RFTN1: variants seen among roughly 807,000 people sequenced by gnomAD.
RFTN1 encodes raftlin.
A neutral mutation model predicts 46.5 loss-of-function variants in RFTN1; 26 were observed. That is an observed-to-expected ratio of 0.56 (90% CI 0.41 to 0.78). The LOEUF is 0.78. RFTN1 is among the 30% of genes least tolerant of loss of function. The pLI, the probability that RFTN1 is intolerant of heterozygous loss-of-function variation, is 0.00. For missense variants in RFTN1, 693 were observed against 718.7 expected (o/e 0.96, Z 0.41); for synonymous variants, 261 against 284.2 (o/e 0.92, Z 0.82).
intron 4 of RFTN1, among the ~76,000 whole-genome samples, chr3:16,390,763 G>A (rs1158838524): frequency 6.6e-6 from 1 of 152,094 alleles, no homozygotes; most frequent in African/African-American, 2.4e-5. Flanking sequence ...TTGCCCTCTG[G>A]GGAGTGTCTT....
rs183353836 is a variant in RFTN1 at position 16,505,103 on chromosome 3, T to C, written c.-9+8339A>G. On this transcript the variant is annotated intron_variant, in intron 1 of 9. Coordinates refer to ENST00000334133, the MANE Select transcript of RFTN1 (RefSeq NM_015150.2). ...CGCTTTCCTGGAATCTGCCTCCCCC[T>C]CATCCATCTAATTCCTATCTCCAGC... Among the ~76,000 whole-genome samples, 471 of 152,260 alleles carry C rather than the reference T, an allele frequency of 3.1e-3. 3 individuals carry two copies. Among genetic ancestry groups the C allele is most frequent in the African/African-American group, 0.011 (439 of 41,548 alleles).
chr3:16,408,329 C>T (rs772700685), intron 4 of RFTN1, among the ~76,000 whole-genome samples: 15 of 152,166 alleles, frequency 9.9e-5, no homozygotes, highest in African/African-American at 3.1e-4. Flanking sequence ...CTCACTAGTT[C>T]GGCTGTTTTA....
At chr3:16,378,865 C>G (rs1306657968) in intron 4 of RFTN1, among the ~76,000 whole-genome samples, 1 of 152,144 alleles carries the variant, frequency 6.6e-6, no homozygotes, top group Non-Finnish European at 1.5e-5. Context: ...GGATGAACAC[C>G]CACCTGCAGT....
chr3:16,369,582 G>A lies in RFTN1; in HGVS notation c.1030+494C>T, dbSNP rs376687626. On this transcript the variant is annotated intron_variant, in intron 6 of 9. Coordinates refer to ENST00000334133, the MANE Select transcript of RFTN1 (RefSeq NM_015150.2). ...TAGAGACAGCACATTACTGGGGAGG[G>A]GGTACTGGGTGCTGGGAGACCTGGG... Among the ~76,000 whole-genome samples, 117 of 152,324 alleles carry A rather than the reference G, an allele frequency of 7.7e-4. No individual in the cohort carries two copies. The South Asian group carries it at 0.023, about 31-fold the overall frequency.
At chr3:16,328,506 C>T in intron 7 of RFTN1, among the ~76,000 whole-genome samples, 1 of 152,238 alleles carries the variant, frequency 6.6e-6, no homozygotes, top group East Asian at 1.9e-4. Flanking sequence ...ACACCAGTTC[C>T]AGAGTGGCTA....
rs1272551461 is a variant in RFTN1 at position 16,391,858 on chromosome 3, G to GTT, written c.442-13758_442-13757dup. ...TAGAGATTATCATTCTAGTGCAAAG[G>GTT]TTTTTTTTTTGTTTTTTTTTTTTGT... On this transcript the variant is annotated intron_variant, in intron 4 of 9. Coordinates refer to ENST00000334133, the MANE Select transcript of RFTN1 (RefSeq NM_015150.2). Among the ~76,000 whole-genome samples, 309 of 49,128 alleles carry GTT rather than the reference G, an allele frequency of 6.3e-3. 41 individuals are homozygous for GTT. The highest frequency in any genetic ancestry group is 0.033 in the East Asian group (21 of 638). The allele number at this position is 49,128 out of a possible 152,430, so 32.2% of individuals were successfully genotyped here.
At position 16,424,470 on chromosome 3, in the gene RFTN1, G is replaced by T. The variant is rs998098976; in HGVS notation, c.332+9381C>A. Among the ~76,000 whole-genome samples, 2 of 152,162 alleles carry T rather than the reference G, an allele frequency of 1.3e-5. No individual in the cohort carries two copies. Among genetic ancestry groups the T allele is most frequent in the Non-Finnish European group, 2.9e-5 (2 of 68,032 alleles). On this transcript the variant is annotated intron_variant, in intron 3 of 9. Transcript: ENST00000334133. This position sits in a 1 kb window ranked among gnomAD's most constrained non-coding sequence, Gnocchi z 4.7. ...AACAACCATCATGAGGACATAATGA[G>T]AATTAATTATAATACCGAAAACATA...
rs533752006 is a variant in RFTN1 at position 16,425,574 on chromosome 3, G to A, written c.332+8277C>T. Among the ~76,000 whole-genome samples the A allele has an allele frequency of 6.6e-6, 1 of 152,150 alleles. No homozygotes were observed. The highest frequency in any genetic ancestry group is 1.5e-5 in the Non-Finnish European group (1 of 68,038). Reference sequence around the variant, plus strand: ...ATGAGCTCTCACACCAACCATGCACGTCTCCTTCTTGTTCTCTCCACCGGG... The same window carrying A: ...ATGAGCTCTCACACCAACCATGCACATCTCCTTCTTGTTCTCTCCACCGGG... On this transcript the variant is annotated intron_variant, in intron 3 of 9. Transcript: ENST00000334133. This position sits in a 1 kb window ranked among gnomAD's most constrained non-coding sequence, Gnocchi z 4.3.
At chr3:16,366,440 G>GT (rs2073177034) in intron 6 of RFTN1, among the ~76,000 whole-genome samples, 3 of 149,370 alleles carry the variant, frequency 2.0e-5, no homozygotes, top group Admixed American at 2.0e-4. Context: ...TCTATATGTG[G>GT]CCCCTGGACT....
In RFTN1 at chr3:16,481,138, G is replaced by A. The variant is rs185556106; in HGVS notation, c.145+12587C>T. Among the ~76,000 whole-genome samples, 1 of 152,228 alleles carries A rather than the reference G, an allele frequency of 6.6e-6. No homozygotes were observed. Among genetic ancestry groups the A allele is most frequent in the Admixed American group, 6.5e-5 (1 of 15,300 alleles). Reference sequence around the variant, plus strand: ...TTTACATTCAGAAAGGAATGCAAAGGAATGTAAAGAATGCCTTCCTTCCTT... The same window carrying A: ...TTTACATTCAGAAAGGAATGCAAAGAAATGTAAAGAATGCCTTCCTTCCTT... On this transcript the variant is annotated intron_variant, in intron 2 of 9. Transcript: ENST00000334133. The surrounding 1 kb of genome is among the most constrained non-coding windows in gnomAD (Gnocchi z 5.1).
In RFTN1 at chr3:16,442,221, T is replaced by A. The variant is rs1247088866; in HGVS notation, c.146-8184A>T. On this transcript the variant is annotated intron_variant, in intron 2 of 9. Coordinates refer to ENST00000334133, the MANE Select transcript of RFTN1 (RefSeq NM_015150.2). The surrounding 1 kb of genome is among the most constrained non-coding windows in gnomAD (Gnocchi z 4.1). ...CTATTTTTAAAATTTGAAGTGAAAT[T>A]TCCATAACATAAAATTAATCATTTT... 6.6e-6 allele frequency among the ~76,000 whole-genome samples: 1 copy of A among 152,128 alleles called. No individual in the cohort carries two copies. Among genetic ancestry groups the A allele is most frequent in the Non-Finnish European group, 1.5e-5 (1 of 68,014 alleles).
chr3:16,408,546 A>G (rs1014964615), intron 4 of RFTN1, among the ~76,000 whole-genome samples: 1 of 150,794 alleles, frequency 6.6e-6, no homozygotes, highest in Non-Finnish European at 1.5e-5. Flanking sequence ...GGGCTAGGAC[A>G]TTCCTTCTGT....
intron 3 of RFTN1, among the ~76,000 whole-genome samples, chr3:16,415,408 A>AGT: frequency 9.7e-5 from 8 of 82,900 alleles, no homozygotes; most frequent in South Asian, 4.0e-4. Context: ...TAGACAGTTG[A>AGT]GTATATATAT....
intron 2 of RFTN1, among the ~76,000 whole-genome samples, chr3:16,487,654 C>T (rs929910337): frequency 5.3e-5 from 8 of 152,286 alleles, no homozygotes; most frequent in East Asian, 3.9e-4. Flanking sequence ...CCCTGGGCAC[C>T]GGCCTCATTA....
At position 16,383,372 on chromosome 3, in the gene RFTN1, G is replaced by A. The variant is rs1462862247; in HGVS notation, c.442-5270C>T. Among the ~76,000 whole-genome samples, 1 of 152,192 alleles carries A rather than the reference G, an allele frequency of 6.6e-6. No homozygotes were observed. The highest frequency in any genetic ancestry group is 6.5e-5 in the Admixed American group (1 of 15,288). On this transcript the variant is annotated intron_variant, in intron 4 of 9. Coordinates refer to ENST00000334133, the MANE Select transcript of RFTN1 (RefSeq NM_015150.2). The surrounding 1 kb of genome is among the most constrained non-coding windows in gnomAD (Gnocchi z 4.0). ...GAGGCACTGAAAATTAAACATGGCT[G>A]TTTTGACTAATCCACAACTTCACTC...
rs1025952819 is a variant in RFTN1, at chr3:16,506,165, C to A, written c.-9+7277G>T. On this transcript the variant is annotated intron_variant, in intron 1 of 9. Transcript: ENST00000334133. The surrounding 1 kb of genome is among the most constrained non-coding windows in gnomAD (Gnocchi z 4.8). ...ATACGGGGATTGGGAAAGGCCACAC[C>A]CAGAAGGTGACGTTTAAGCAAAATC... 2.0e-5 allele frequency among the ~76,000 whole-genome samples: 3 copies of A among 151,998 alleles called. No homozygotes were observed. The highest frequency in any genetic ancestry group is 4.4e-5 in the Non-Finnish European group (3 of 67,998).
Position 16,384,244 on chromosome 3 carries a change from G to T in RFTN1, c.442-6142C>A, listed in dbSNP as rs1342423863. Among the ~76,000 whole-genome samples the T allele has an allele frequency of 6.6e-6, 1 of 152,228 alleles. No individual in the cohort carries two copies. Among genetic ancestry groups the T allele is most frequent in the Non-Finnish European group, 1.5e-5 (1 of 68,048 alleles). On this transcript the variant is annotated intron_variant, in intron 4 of 9. Coordinates refer to ENST00000334133, the MANE Select transcript of RFTN1 (RefSeq NM_015150.2). The surrounding 1 kb of genome is among the most constrained non-coding windows in gnomAD (Gnocchi z 4.7). Reference sequence around the variant, plus strand: ...GGACTGCCCTGCAGATGTCAGACTTGTTGGCCCCCACTATCACATGAGCCA... The same window carrying T: ...GGACTGCCCTGCAGATGTCAGACTTTTTGGCCCCCACTATCACATGAGCCA...
chr3:16,317,355 C>T lies in RFTN1; in HGVS notation c.1333-123G>A. On this transcript the variant is annotated intron_variant, in intron 9 of 9. Coordinates refer to ENST00000334133, the MANE Select transcript of RFTN1 (RefSeq NM_015150.2). The surrounding 1 kb of genome is among the most constrained non-coding windows in gnomAD (Gnocchi z 4.3). ...TGAGACATACAATTCCCAGCATCCCCCAGCCAGGCAGTACAGGCACCAAAC... is the reference window on the plus strand; with the variant it reads ...TGAGACATACAATTCCCAGCATCCCTCAGCCAGGCAGTACAGGCACCAAAC... The T allele has an allele frequency of 1.9e-6, 2 of 1,051,822 alleles. No individual in the cohort carries two copies. Among genetic ancestry groups the T allele is most frequent in the South Asian group, 1.5e-5 (1 of 67,896 alleles). 65.2% of individuals were successfully genotyped at this position (1,051,822 alleles called of 1,614,324 possible). A position where few individuals can be genotyped will look rare whatever the true frequency, so the allele number is the denominator to read the frequency against.
chr3:16,321,153 A>C lies in RFTN1; in HGVS notation c.1332+2223T>G, dbSNP rs1210798883. Among the ~76,000 whole-genome samples, 1 of 152,064 alleles carries C rather than the reference A, an allele frequency of 6.6e-6. No homozygotes were observed. The highest frequency in any genetic ancestry group is 1.5e-5 in the Non-Finnish European group (1 of 67,994). On this transcript the variant is annotated intron_variant, in intron 9 of 9. Coordinates refer to ENST00000334133, the MANE Select transcript of RFTN1 (RefSeq NM_015150.2). This position sits in a 1 kb window ranked among gnomAD's most constrained non-coding sequence, Gnocchi z 4.8. Reference sequence around the variant, plus strand: ...CCTCTAGATAGGGTGGCGGTTGGCCAGGTGGGCGAGGTATGGGGAGGGGGA... The same window carrying C: ...CCTCTAGATAGGGTGGCGGTTGGCCCGGTGGGCGAGGTATGGGGAGGGGGA...
Sources: allele counts gnomAD v4.1 joint callset (sites outside exome capture counted in the v4.1 genomes callset), GRCh38; gene constraint gnomAD v4.1.1; non-coding constraint Gnocchi (gnomAD v3.1); transcripts MANE v1.5; gene names NCBI Gene and HGNC (gene_info 2026-07-23, HGNC 2026-07-21).